The following PLEKHA2 variants were observed in gnomAD, a reference collection of about 807,000 sequenced individuals.
PLEKHA2 encodes the protein pleckstrin homology domain-containing family A member 2.
PLEKHA2 carries 28 observed loss-of-function variants against 53.2 expected under a neutral mutation model. That is an observed-to-expected ratio of 0.53 (90% confidence interval 0.39 to 0.72). The LOEUF (loss-of-function observed/expected upper bound fraction) is 0.72. PLEKHA2 is among the 30% of genes least tolerant of loss of function. PLEKHA2 has a pLI of 0.00. For missense variants in PLEKHA2, 426 were observed against 537.9 expected (o/e 0.79, Z 2.06); for synonymous variants, 193 against 196.4 (o/e 0.98, Z 0.14).
chr8:38,911,383 C>T (rs1034597780), intron 1 of PLEKHA2, among the ~76,000 whole-genome samples: 11 of 152,030 alleles, frequency 7.2e-5, no homozygotes, highest in African/African-American at 2.7e-4. Flanking sequence ...ATTATAGGTG[C>T]GCACCACCAT....
At chr8:38,954,822 C>T (rs755928298) in intron 9 of PLEKHA2, among the ~76,000 whole-genome samples, 6 of 152,096 alleles carry the variant, frequency 3.9e-5, no homozygotes, top group Admixed American at 2.0e-4. Flanking sequence ...CACCTGAGGC[C>T]AGGAGTTCCA....
rs543115163 is a variant in PLEKHA2, at chr8:38,909,998, C to T, written c.-23-7909C>T. Among the ~76,000 whole-genome samples, 112 of 150,988 alleles carry T rather than the reference C, an allele frequency of 7.4e-4. 1 individual carries two copies. Among genetic ancestry groups the T allele is most frequent in the African/African-American group, 2.7e-3 (109 of 41,058 alleles). On this transcript the variant is annotated intron_variant, in intron 1 of 11. Transcript: ENST00000617275. ...TTGAGATGGAGTCTCACTCTGTCAC[C>T]CAGGCTGGAGTGCCATGGTGTGATC...
intron 3 of PLEKHA2, among the ~76,000 whole-genome samples, chr8:38,937,486 G>A (rs1006906385): frequency 3.9e-5 from 6 of 152,110 alleles, no homozygotes; most frequent in Admixed American, 6.5e-5. Flanking sequence ...TGTGTGAGAG[G>A]GTTTGGGAAG....
At chr8:38,949,364 C>T (rs980674014) in intron 5 of PLEKHA2, among the ~76,000 whole-genome samples, 4 of 152,130 alleles carry the variant, frequency 2.6e-5, no homozygotes, top group African/African-American at 9.7e-5. Context: ...CTGGCCTCTC[C>T]CGTTCTGCTG....
chr8:38,932,679 A>ATCTT (rs1834415843), intron 2 of PLEKHA2, among the ~76,000 whole-genome samples: 1 of 152,212 alleles, frequency 6.6e-6, no homozygotes, highest in African/African-American at 2.4e-5. Context: ...GTCACCGTTC[A>ATCTT]TCTTCTAGGT....
chr8:38,954,795 G>A (rs1834908281), intron 9 of PLEKHA2, among the ~76,000 whole-genome samples: 1 of 152,136 alleles, frequency 6.6e-6, no homozygotes, highest in Non-Finnish European at 1.5e-5. Context: ...CACTTTGGGA[G>A]GCCGAGGCGG....
chr8:38,902,490 G>A (rs1039186864), intron 1 of PLEKHA2, among the ~76,000 whole-genome samples: 1 of 152,170 alleles, frequency 6.6e-6, no homozygotes, highest in African/African-American at 2.4e-5. Context: ...ACAGTAAACG[G>A]CAGAGAAGAG....
At chr8:38,959,973 A>C (rs1228078120) in intron 10 of PLEKHA2, among the ~76,000 whole-genome samples, 1 of 152,210 alleles carries the variant, frequency 6.6e-6, no homozygotes, top group Non-Finnish European at 1.5e-5. Flanking sequence ...ACTGCTTGGC[A>C]TGTTGCTGAC....
intron 11 of PLEKHA2, 36 bp from the exon 12 acceptor site, chr8:38,969,385 C>T: frequency 6.3e-7 from 1 of 1,591,894 alleles, no homozygotes; most frequent in Non-Finnish European, 8.5e-7. Flanking sequence ...AAAGCCCTAA[C>T]TTTCTTTTGT....
chr8:38,950,525 CT>C (rs1026661217), intron 5 of PLEKHA2: 8 of 220,090 alleles, frequency 3.6e-5, no homozygotes, highest in African/African-American at 9.1e-5. Context: ...GTCATTCCCC[CT>C]ACTAGCATGT....
In PLEKHA2 at chr8:38,970,134, C is replaced by CCAGTTT; in HGVS notation, c.*354_*359dup. Reference sequence around the variant, plus strand: ...CTCCTCTCCAGAGGGGGCTGGAAGTCCAGTTTCACCAATGACCAAGTTTTA... The same window carrying CCAGTTT: ...CTCCTCTCCAGAGGGGGCTGGAAGTCCAGTTTCAGTTTCACCAATGACCAAGTTTTA... On this transcript the variant is annotated 3_prime_UTR_variant, in exon 12 of 12. Transcript: ENST00000617275. The CCAGTTT allele has an allele frequency of 9.1e-6, 4 of 440,756 alleles. No homozygotes were observed. The East Asian group carries it at 1.4e-4, about 16-fold the overall frequency. The allele number at this position is 440,756 out of a possible 1,614,324, so 27.3% of individuals were successfully genotyped here.
chr8:38,941,405 A>C (rs527836631), intron 3 of PLEKHA2, among the ~76,000 whole-genome samples: 2 of 152,358 alleles, frequency 1.3e-5, no homozygotes, highest in Admixed American at 1.3e-4. Context: ...TCATTGAAAA[A>C]TTAATGACGT....
chr8:38,952,514 C>T lies in PLEKHA2; in HGVS notation c.634-122C>T, dbSNP rs1003391725. 6.8e-6 allele frequency: 9 copies of T among 1,326,168 alleles called. No individual in the cohort carries two copies. In the African/African-American group the frequency reaches 7.3e-5, roughly 11 times the overall value. 82.2% of individuals were successfully genotyped at this position (1,326,168 alleles called of 1,614,324 possible). ...GCCCCTGATATGAAGAAGCCCTTGC[C>T]CCTGCTGAATGTGGGAGCCGGACTT... On this transcript the variant is annotated intron_variant, in intron 7 of 11. Coordinates refer to ENST00000617275, the MANE Select transcript of PLEKHA2 (RefSeq NM_021623.2).
At chr8:38,938,588 G>A (rs540466336) in intron 3 of PLEKHA2, among the ~76,000 whole-genome samples, 5 of 152,362 alleles carry the variant, frequency 3.3e-5, no homozygotes, top group Admixed American at 3.3e-4. Context: ...ATAAGCGCAA[G>A]TTCCTGAGAG....
At position 38,952,164 on chromosome 8, in the gene PLEKHA2, A is replaced by G. The variant is rs1284999266; in HGVS notation, c.487-2A>G. ...GCTGATACTGACACTGTTTCCTTGC[A>G]GAACGGTGGGGATGGGCAGGAAGGG... On this transcript the variant is annotated splice_acceptor_variant, in intron 6 of 11. Transcript: ENST00000617275. LOFTEE classifies it high-confidence loss of function. 1 of 1,612,062 alleles carries G rather than the reference A, an allele frequency of 6.2e-7. No homozygotes were observed. Among genetic ancestry groups the G allele is most frequent in the Non-Finnish European group, 8.5e-7 (1 of 1,179,114 alleles).
intron 9 of PLEKHA2, among the ~76,000 whole-genome samples, 174 bp from the exon 10 acceptor site, chr8:38,957,149 C>T (rs1415278338): frequency 2.0e-5 from 3 of 152,112 alleles, no homozygotes; most frequent in Non-Finnish European, 2.9e-5. Context: ...GGAAATGAAG[C>T]TAGAGGAAAC....
intron 1 of PLEKHA2, among the ~76,000 whole-genome samples, chr8:38,917,463 G>A (rs1328361822): frequency 6.6e-6 from 1 of 152,230 alleles, no homozygotes; most frequent in Non-Finnish European, 1.5e-5. Context: ...AACGATAATA[G>A]CTACTGTTCA....
chr8:38,936,159 G>A, intron 3 of PLEKHA2, 109 bp downstream of exon 3: 1 of 1,216,510 alleles, frequency 8.2e-7, no homozygotes, highest in Non-Finnish European at 1.2e-6. Flanking sequence ...GACGTTGCAT[G>A]GTGTTGAAAT....
intron 1 of PLEKHA2, among the ~76,000 whole-genome samples, chr8:38,912,193 T>G (rs1398832754): frequency 6.6e-6 from 1 of 151,480 alleles, no homozygotes; most frequent in East Asian, 2.0e-4. Flanking sequence ...CCAGCTACTC[T>G]GGAGGCTGAG....
Sources: gnomAD v4.1 joint callset for allele counts (sites outside exome capture counted in the v4.1 genomes callset) on GRCh38, gnomAD v4.1.1 for gene constraint, MANE v1.5 for transcripts, NCBI Gene and HGNC (gene_info 2026-07-23, HGNC 2026-07-21) for gene names.